Variants in DYNC2H1 observed in about 807,000 individuals in gnomAD.
DYNC2H1 encodes the protein cytoplasmic dynein 2 heavy chain 1.
In DYNC2H1, 410 loss-of-function variants were observed where a neutral mutation model predicts 570.0. The observed-to-expected ratio is 0.72, with a 90% CI of 0.66 to 0.78. The LOEUF is 0.78. Among genes scored for constraint, DYNC2H1 ranks in the 30% least tolerant of loss-of-function variants. The pLI is 0.00. For synonymous variants in DYNC2H1, 1,688 were observed against 1,677.6 expected, an observed-to-expected ratio of 1.01 and a Z score of -0.15; for missense variants, 4,865 against 5,046.4, an observed-to-expected ratio of 0.96 and a Z score of 1.09.
In DYNC2H1 at chr11:103,133,661, C is replaced by T; in HGVS notation, c.2060C>T (p.Thr687Ile). 6.2e-7 allele frequency: 1 copy of T among 1,612,682 alleles called. No individual in the cohort carries two copies. The highest frequency in any genetic ancestry group is 8.5e-7 in the Non-Finnish European group (1 of 1,179,384). ...CAAAATGCTGCTGAACGGCTTGCCA[C>T]TGAAAATAGAAAACTGAGAAAATGG... is the stretch of plus-strand genomic sequence containing the variant. ...KLQNAAERLA[T>I]ENRKLRKWHT... is the part of the protein sequence containing the mutation. Residue 687 changes from threonine to isoleucine, a missense_variant, in exon 14 of 89, where the codon ACT (threonine) becomes ATT (isoleucine). Around this residue, in one of 5 missense-constraint regions of DYNC2H1, gnomAD observed 1,936 missense variants for 1,962.1 expected, o/e 0.99. Transcript: ENST00000375735. This position sits in a 1 kb window ranked among gnomAD's most constrained non-coding sequence, Gnocchi z 4.8.
intron 59 of DYNC2H1, among the ~76,000 whole-genome samples, chr11:103,227,157 G>T (rs1229710681): frequency 1.3e-5 from 2 of 150,012 alleles, no homozygotes; most frequent in Non-Finnish European, 3.0e-5. Context: ...TTTATCTTTT[G>T]TATTTTTTTT....
intron 52 of DYNC2H1, among the ~76,000 whole-genome samples, chr11:103,207,386 C>A: frequency 1.3e-5 from 2 of 151,818 alleles, no homozygotes; most frequent in African/African-American, 4.8e-5. Flanking sequence ...ATCTAGTGTA[C>A]AAATGGAAGA....
rs774350008 is a variant in DYNC2H1 at position 103,117,647 on chromosome 11, G to A, written c.783G>A (p.Arg261=). Residue 261 remains arginine (R), a synonymous_variant, in exon 6 of 89, where the codon AGG becomes AGA. Transcript: ENST00000375735. ...TTTTATTAGGTGGTTCATTTGGAAG[G>A]TTTGTTCAGAAAAAGTTGGGAACTT... The part of the protein sequence containing the change: ...LLDIIGGSFG[R]FVQKKLGTLN... 27 of 1,602,008 alleles carry A rather than the reference G, an allele frequency of 1.7e-5. No individual in the cohort carries two copies. The highest frequency in any genetic ancestry group is 7.9e-5 in the South Asian group (7 of 88,226).
chr11:103,298,110 T>C (rs1227760074), intron 75 of DYNC2H1, among the ~76,000 whole-genome samples: 1 of 152,162 alleles, frequency 6.6e-6, no homozygotes, highest in Non-Finnish European at 1.5e-5. Context: ...TCTCATCTTC[T>C]TCAGAATCCT....
intron 47 of DYNC2H1, among the ~76,000 whole-genome samples, chr11:103,193,608 A>G (rs1179695163): frequency 6.6e-6 from 1 of 151,136 alleles, no homozygotes. Flanking sequence ...CAAAGGTGCA[A>G]TCTCGGCCCA....
chr11:103,229,307 G>GT (rs776195542), intron 59 of DYNC2H1, among the ~76,000 whole-genome samples: 3 of 152,204 alleles, frequency 2.0e-5, no homozygotes, highest in Non-Finnish European at 4.4e-5. Context: ...AGTTCACCAT[G>GT]TAAGTCTCCA....
At chr11:103,424,664 C>T (rs1943604312) in intron 84 of DYNC2H1, among the ~76,000 whole-genome samples, 1 of 149,910 alleles carries the variant, frequency 6.7e-6, no homozygotes, top group Non-Finnish European at 1.5e-5. Context: ...TACATGGATA[C>T]ACCCAGTGTT....
Position 103,286,381 on chromosome 11 carries a change from C to T in DYNC2H1, c.11017C>T (p.Gln3673Ter), listed in dbSNP as rs2135353455. 1 of 1,610,402 alleles carries T rather than the reference C, an allele frequency of 6.2e-7. No homozygotes were observed. Among genetic ancestry groups the T allele is most frequent in the South Asian group, 1.1e-5 (1 of 89,560 alleles). ...SILAKKVSLF[Q>*]QILVVQALRP... ...CCTTGCAAAGAAAGTTTCCTTATTT[C>T]AGCAGGTAAAATTTAGTGTTATCTA... Residue 3673 changes from glutamine to a stop codon, truncating the protein, a stop_gained, in exon 74 of 89, where the codon CAG becomes TAG. Coordinates refer to ENST00000375735, the MANE Select transcript of DYNC2H1 (RefSeq NM_001377.3). LOFTEE classifies it high-confidence loss of function.
intron 13 of DYNC2H1, among the ~76,000 whole-genome samples, chr11:103,131,825 A>G (rs1302258317): frequency 6.6e-6 from 1 of 152,062 alleles, no homozygotes; most frequent in Non-Finnish European, 1.5e-5. Context: ...TGAATAATGT[A>G]TTGTATCTCT....
chr11:103,265,161 T>TA (rs1417768483), intron 70 of DYNC2H1, among the ~76,000 whole-genome samples: 2 of 152,002 alleles, frequency 1.3e-5, no homozygotes, highest in African/African-American at 4.8e-5. Context: ...AGTTGAACAA[T>TA]AAGAACACAT....
intron 79 of DYNC2H1, among the ~76,000 whole-genome samples, chr11:103,314,070 T>A (rs891578745): frequency 6.6e-6 from 1 of 152,138 alleles, no homozygotes; most frequent in South Asian, 2.1e-4. Context: ...AAATTTAGAT[T>A]TTATTATTAA....
In DYNC2H1 at chr11:103,155,325, TAAC is replaced by T. The variant is rs1456927309; in HGVS notation, c.3574-4_3574-2del. On this transcript the variant is annotated splice_region_variant and splice_polypyrimidine_tract_variant and intron_variant, in intron 24 of 88. Coordinates refer to ENST00000375735, the MANE Select transcript of DYNC2H1 (RefSeq NM_001377.3). ...TATGACTTTTTCTTTTTTTTTTTTG[TAAC>T]AGATCGTAATTCCTATCTTGAAATA... is the stretch of plus-strand genomic sequence containing the variant. The T allele has an allele frequency of 6.4e-7, 1 of 1,571,892 alleles. No individual in the cohort carries two copies. Among genetic ancestry groups the T allele is most frequent in the South Asian group, 1.2e-5 (1 of 84,104 alleles).
Position 103,135,783 on chromosome 11 carries a change from G to A in DYNC2H1, c.2409G>A (p.Met803Ile). The change falls in exon 17 of 89, where the codon ATG becomes ATA. Residue 803 changes from methionine to isoleucine, a missense_variant. Met to Ile is a conservative substitution (Grantham distance 10, BLOSUM62 1). Coordinates refer to ENST00000375735, the MANE Select transcript of DYNC2H1 (RefSeq NM_001377.3). ...EEIRAKYYRE[M>I]KRFIGIPNQF... is the part of the protein sequence containing the mutation. Reference sequence around the variant, plus strand: ...TCCGGGCTAAATATTATAGAGAAATGAAGAGATTCATCGGCATTCCAAATC... The same window carrying A: ...TCCGGGCTAAATATTATAGAGAAATAAAGAGATTCATCGGCATTCCAAATC... 6.2e-7 allele frequency: 1 copy of A among 1,613,102 alleles called. No individual in the cohort carries two copies. Among genetic ancestry groups the A allele is most frequent in the Non-Finnish European group, 8.5e-7 (1 of 1,179,506 alleles).
chr11:103,226,283 C>T lies in DYNC2H1; in HGVS notation c.9353+3197C>T, dbSNP rs1408451367. Among the ~76,000 whole-genome samples the T allele has an allele frequency of 2.2e-5, 3 of 137,024 alleles. No homozygotes were observed. In the Admixed American group the frequency reaches 2.4e-4, roughly 11 times the overall value. 89.9% of individuals were successfully genotyped at this position (137,024 alleles called of 152,430 possible). A position where few individuals can be genotyped will look rare whatever the true frequency, so the allele number is the denominator to read the frequency against. ...AAGTGGTGAAAGTGGGCATCCTTGT[C>T]TCTTGTTCCAGTTCTCATGGGGAAT... On this transcript the variant is annotated intron_variant, in intron 59 of 88. Transcript: ENST00000375735.
chr11:103,285,291 A>G (rs1242587873), intron 73 of DYNC2H1, among the ~76,000 whole-genome samples: 1 of 152,094 alleles, frequency 6.6e-6, no homozygotes, highest in Non-Finnish European at 1.5e-5. Flanking sequence ...TGAATAGAAA[A>G]CTATTAAGTG....
chr11:103,150,149 C>T (rs1035783197), intron 20 of DYNC2H1, among the ~76,000 whole-genome samples: 1 of 152,118 alleles, frequency 6.6e-6, no homozygotes, highest in African/African-American at 2.4e-5. Context: ...GGCCAGATTA[C>T]GAAGATGCTT....
Position 103,323,900 on chromosome 11 carries a change from C to A in DYNC2H1, c.11949C>A (p.Val3983=). 1 of 1,612,266 alleles carries A rather than the reference C, an allele frequency of 6.2e-7. No individual in the cohort carries two copies. Among genetic ancestry groups the A allele is most frequent in the South Asian group, 1.1e-5 (1 of 90,836 alleles). ...QSCSILDYRA[V]IEKIPEDDKP... Reference sequence around the variant, plus strand: ...TTTATATTTAGGACTATCGTGCTGTCATTGAGAAAATTCCAGAGGACGACA... The same window carrying A: ...TTTATATTTAGGACTATCGTGCTGTAATTGAGAAAATTCCAGAGGACGACA... Residue 3983 remains valine (V), a synonymous_variant, in exon 82 of 89, where the codon GTC becomes GTA. Transcript: ENST00000375735.
At chr11:103,196,764 A>G (rs572309478) in intron 47 of DYNC2H1, among the ~76,000 whole-genome samples, 3 of 152,164 alleles carry the variant, frequency 2.0e-5, no homozygotes, top group African/African-American at 4.8e-5. Context: ...AGAGATGCAC[A>G]AAGGTCATGT....
In DYNC2H1 at chr11:103,199,994, A is replaced by G; in HGVS notation, c.8089-52A>G. 4 of 1,194,742 alleles carry G rather than the reference A, an allele frequency of 3.3e-6. 1 individual carries two copies. Among genetic ancestry groups the G allele is most frequent in the Non-Finnish European group, 4.8e-6 (4 of 828,124 alleles). The allele number at this position is 1,194,742 out of a possible 1,614,324, so 74.0% of individuals were successfully genotyped here. ...TACAAATACAAAATGTTAATTTTTA[A>G]CTGTACCAAAAATACTTAAAGGGCA... On this transcript the variant is annotated intron_variant, in intron 49 of 88. Transcript: ENST00000375735. The surrounding 1 kb of genome is among the most constrained non-coding windows in gnomAD (Gnocchi z 4.6).
Sources: allele counts gnomAD v4.1 joint callset (sites outside exome capture counted in the v4.1 genomes callset), GRCh38; gene constraint gnomAD v4.1.1; regional missense constraint gnomAD v4.1.1; non-coding constraint Gnocchi (gnomAD v3.1); transcripts MANE v1.5; gene names NCBI Gene and HGNC (gene_info 2026-07-23, HGNC 2026-07-21).